CUX1: variants seen among roughly 807,000 people sequenced by gnomAD.
CUX1 encodes protein CASP.
A neutral mutation model predicts 158.8 loss-of-function variants in CUX1; 31 were observed. The observed-to-expected ratio is 0.20, with a 90% CI of 0.15 to 0.26. The LOEUF is 0.26. CUX1 is among the 10% of genes least tolerant of loss of function. The probability of loss-of-function intolerance (pLI) is 1.00; values close to 1 mark genes in which losing one functional copy is unlikely to be tolerated. For missense variants in CUX1, 1,589 were observed against 2,014.6 expected, an observed-to-expected ratio of 0.79 and a Z score of 4.04; for synonymous variants, 879 against 862.1, an observed-to-expected ratio of 1.02 and a Z score of -0.34.
At chr7:101,861,461 A>T (rs1797451086) in intron 1 of CUX1, among the ~76,000 whole-genome samples, 1 of 152,176 alleles carries the variant, frequency 6.6e-6, no homozygotes, top group African/African-American at 2.4e-5. Flanking sequence ...TGGTTCAGTC[A>T]TTTGAATTTA....
At chr7:102,104,557 C>T (rs1344879887) in intron 6 of CUX1, 98 bp downstream of exon 6, 2 of 1,480,930 alleles carry the variant, frequency 1.4e-6, no homozygotes, top group Non-Finnish European at 1.8e-6. Flanking sequence ...AAAATAAGCC[C>T]AGGTTGTAAC....
At chr7:101,833,502 G>T (rs1442998825) in intron 1 of CUX1, among the ~76,000 whole-genome samples, 1 of 140,738 alleles carries the variant, frequency 7.1e-6, no homozygotes, top group African/African-American at 2.7e-5. Context: ...CTGCAGTGAC[G>T]TATGACAGTG....
intron 2 of CUX1, among the ~76,000 whole-genome samples, chr7:102,016,043 A>G: frequency 6.6e-6 from 1 of 151,970 alleles, no homozygotes; most frequent in African/African-American, 2.4e-5. Flanking sequence ...TCGACCTCCT[A>G]GGCTCAAGCG....
At chr7:101,983,537 A>G (rs938772725) in intron 2 of CUX1, among the ~76,000 whole-genome samples, 1 of 152,216 alleles carries the variant, frequency 6.6e-6, no homozygotes, top group Non-Finnish European at 1.5e-5. Flanking sequence ...CCCGAGGCTG[A>G]GTAATTTATG....
chr7:102,019,091 C>T (rs1327727680), intron 2 of CUX1, among the ~76,000 whole-genome samples: 3 of 152,170 alleles, frequency 2.0e-5, no homozygotes, highest in African/African-American at 7.2e-5. Context: ...CTGTGCAGTT[C>T]GAATCTGCCC....
Position 102,202,210 on chromosome 7 carries a change from G to A in CUX1, c.2907+6G>A, listed in dbSNP as rs1387475111. On this transcript the variant is annotated splice_donor_region_variant and intron_variant, in intron 18 of 23. Transcript: ENST00000292535. Reference sequence around the variant, plus strand: ...AGAGAATCTTCGGGGAGAAGGTAAGGGATCTGCTCTGGGGGCTTTGGTTCT... The same window carrying A: ...AGAGAATCTTCGGGGAGAAGGTAAGAGATCTGCTCTGGGGGCTTTGGTTCT... 6.3e-7 allele frequency: 1 copy of A among 1,594,646 alleles called. No individual in the cohort carries two copies.
chr7:102,170,238 T>C (rs1487791430), intron 9 of CUX1, among the ~76,000 whole-genome samples: 1 of 152,256 alleles, frequency 6.6e-6, no homozygotes, highest in Non-Finnish European at 1.5e-5. Context: ...GTTAAATTAC[T>C]GTCATAATCG....
chr7:101,816,729 C>T (rs1169418405), upstream of CUX1, among the ~76,000 whole-genome samples: 1 of 144,698 alleles, frequency 6.9e-6, no homozygotes, highest in Non-Finnish European at 1.5e-5. Context: ...GTGGTGCCGC[C>T]GGCTCGGGGG....
At chr7:102,164,409 C>A (rs1438895444) in intron 9 of CUX1, among the ~76,000 whole-genome samples, 1 of 152,242 alleles carries the variant, frequency 6.6e-6, no homozygotes, top group African/African-American at 2.4e-5. Flanking sequence ...GGCTTTGACG[C>A]ACAGGCTGGA....
At chr7:102,103,241 C>T (rs1554487149) in intron 5 of CUX1, among the ~76,000 whole-genome samples, 1 of 152,190 alleles carries the variant, frequency 6.6e-6, no homozygotes, top group African/African-American at 2.4e-5. Context: ...AGCCCATGAC[C>T]ACCAGAGTGG....
intron 8 of CUX1, among the ~76,000 whole-genome samples, chr7:102,155,833 C>G (rs1333998118): frequency 6.6e-6 from 1 of 152,142 alleles, no homozygotes. Context: ...GATGTTTCAT[C>G]ATTTAAGAAG....
intron 1 of CUX1, among the ~76,000 whole-genome samples, chr7:101,908,814 G>A (rs1803059215): frequency 6.6e-6 from 1 of 152,190 alleles, no homozygotes; most frequent in Non-Finnish European, 1.5e-5. Context: ...AAAATGAACT[G>A]TGATGTAGCG....
chr7:101,816,370 T>G (rs1791777859), upstream of CUX1, among the ~76,000 whole-genome samples: 1 of 138,520 alleles, frequency 7.2e-6, no homozygotes, highest in Non-Finnish European at 1.6e-5. Flanking sequence ...CTGCCCCCGG[T>G]GTCTGCCCCC....
At chr7:102,006,942 C>A (rs1292766692) in intron 2 of CUX1, among the ~76,000 whole-genome samples, 1 of 152,226 alleles carries the variant, frequency 6.6e-6, no homozygotes, top group Non-Finnish European at 1.5e-5. Context: ...ATTTCCCACA[C>A]AAAAGTGTAT....
chr7:102,039,010 T>C (rs943171154), intron 3 of CUX1, among the ~76,000 whole-genome samples: 1 of 151,926 alleles, frequency 6.6e-6, no homozygotes, highest in Non-Finnish European at 1.5e-5. Context: ...ATTTTGAAAA[T>C]AGTTAACATA....
At chr7:102,142,931 A>T (rs1236122355) in intron 8 of CUX1, among the ~76,000 whole-genome samples, 2 of 152,154 alleles carry the variant, frequency 1.3e-5, no homozygotes, top group African/African-American at 4.8e-5. Context: ...TTAAAAAATA[A>T]TAATAATAAT....
chr7:102,116,372 A>G (rs1476773002), intron 8 of CUX1, among the ~76,000 whole-genome samples: 2 of 152,078 alleles, frequency 1.3e-5, no homozygotes, highest in Admixed American at 1.3e-4. Context: ...AAAGACTAAA[A>G]CATCACCACT....
intron 16 of CUX1, among the ~76,000 whole-genome samples, chr7:102,274,609 C>T (rs1260146330): frequency 1.3e-5 from 2 of 152,198 alleles, no homozygotes; most frequent in African/African-American, 4.8e-5. Flanking sequence ...GACCGAGACC[C>T]TGTCTCTAAA....
chr7:102,048,634 G>A (rs180994218), intron 3 of CUX1, among the ~76,000 whole-genome samples: 1 of 152,094 alleles, frequency 6.6e-6, no homozygotes, highest in East Asian at 1.9e-4. Flanking sequence ...TTTGAGACCA[G>A]CCTGGCCAGC....
Sources: allele counts gnomAD v4.1 joint callset (sites outside exome capture counted in the v4.1 genomes callset), GRCh38; gene constraint gnomAD v4.1.1; transcripts MANE v1.5; gene names NCBI Gene and HGNC (gene_info 2026-07-23, HGNC 2026-07-21).